Variants in BPTF observed in about 807,000 individuals in gnomAD.
The protein encoded by BPTF is bromodomain PHD finger transcription factor, also known as nucleosome-remodeling factor subunit BPTF.
BPTF carries 18 observed loss-of-function variants against 292.5 expected under a neutral mutation model. That is an observed-to-expected ratio of 0.06 (90% confidence interval 0.04 to 0.09). The LOEUF is 0.09. BPTF is among the 10% of genes least tolerant of loss of function. The pLI, the probability that BPTF is intolerant of heterozygous loss-of-function variation, is 1.00. For missense variants in BPTF, 2,726 were observed against 3,498.7 expected (o/e 0.78, Z 5.57); for synonymous variants, 1,225 against 1,251.9 (o/e 0.98, Z 0.45).
intron 1 of BPTF, among the ~76,000 whole-genome samples, chr17:67,845,321 C>T (rs1374458772): frequency 6.6e-6 from 1 of 152,220 alleles, no homozygotes. Flanking sequence ...GTTGATGGTT[C>T]TTGCTTGAAT....
At chr17:67,878,509 T>C (rs2060184298) in intron 4 of BPTF, among the ~76,000 whole-genome samples, 1 of 152,200 alleles carries the variant, frequency 6.6e-6, no homozygotes. Context: ...TTCAACAGTG[T>C]ATGAGAGTTC....
intron 3 of BPTF, among the ~76,000 whole-genome samples, chr17:67,867,097 A>G (rs1482640614): frequency 6.6e-6 from 1 of 152,256 alleles, no homozygotes; most frequent in East Asian, 1.9e-4. Flanking sequence ...TGTGCAGTGC[A>G]TGACTGTGTG....
At chr17:67,864,594 A>C (rs1047119375) in intron 2 of BPTF, among the ~76,000 whole-genome samples, 34 of 151,794 alleles carry the variant, frequency 2.2e-4, no homozygotes, top group African/African-American at 8.2e-4. Flanking sequence ...AAAACCCCCA[A>C]CTTTTCTTTG....
At chr17:67,961,664 TAGAG>T (rs1366882188) in intron 24 of BPTF, among the ~76,000 whole-genome samples, 14 of 151,886 alleles carry the variant, frequency 9.2e-5, no homozygotes, top group East Asian at 5.8e-4. Flanking sequence ...CTGGGCAACA[TAGAG>T]AGACCCCGTC....
chr17:67,916,271 CAGTGTTCATTTTTCCAACTGA>C (rs756648843), intron 11 of BPTF, among the ~76,000 whole-genome samples: 26 of 152,182 alleles, frequency 1.7e-4, no homozygotes, highest in Non-Finnish European at 1.0e-4. Context: ...TTCTCTTTCA[CAGTGTTCATTTTTCCAACTGA>C]ATGCTGTCAA....
intron 1 of BPTF, among the ~76,000 whole-genome samples, chr17:67,850,849 C>G (rs532494118): frequency 6.6e-6 from 1 of 152,100 alleles, no homozygotes; most frequent in African/African-American, 2.4e-5. Flanking sequence ...ATTAAATGCT[C>G]TGCATTGTTC....
At chr17:67,951,802 T>TC (rs1339384993) in intron 23 of BPTF, 2 of 152,162 alleles carry the variant, frequency 1.3e-5, no homozygotes, top group Non-Finnish European at 2.9e-5. Flanking sequence ...ATGCCTGTAA[T>TC]CCCAGCACCT....
intron 6 of BPTF, 21 bp from the exon 7 acceptor site, chr17:67,894,013 C>G: frequency 6.2e-7 from 1 of 1,607,024 alleles, no homozygotes; most frequent in Non-Finnish European, 8.5e-7. Context: ...AATAATTTCT[C>G]TCATTTCTTC....
intron 13 of BPTF, 55 bp from the exon 14 acceptor site, chr17:67,922,785 G>A (rs1410293210): frequency 3.2e-6 from 5 of 1,543,594 alleles, no homozygotes; most frequent in Non-Finnish European, 4.4e-6. Flanking sequence ...GATGCCAGAA[G>A]TACTTTAATT....
chr17:67,938,924 C>A (rs2065143514), intron 18 of BPTF, among the ~76,000 whole-genome samples: 1 of 152,096 alleles, frequency 6.6e-6, no homozygotes, highest in African/African-American at 2.4e-5. Context: ...TTAATGCCAA[C>A]CTGTGGTAAT....
At chr17:67,930,797 T>C (rs543274462) in intron 17 of BPTF, among the ~76,000 whole-genome samples, 21 of 151,716 alleles carry the variant, frequency 1.4e-4, no homozygotes, top group African/African-American at 5.1e-4. Flanking sequence ...TACAAAAAAT[T>C]AGCTGGGCAT....
chr17:67,893,202 C>T, intron 5 of BPTF, 168 bp from the exon 6 acceptor site: 2 of 612,308 alleles, frequency 3.3e-6, no homozygotes, highest in East Asian at 5.6e-5. Flanking sequence ...TAATTGTAAA[C>T]AATTAGCTTT....
chr17:67,827,150 A>G (rs550998827), intron 1 of BPTF, among the ~76,000 whole-genome samples: 2 of 152,350 alleles, frequency 1.3e-5, no homozygotes, highest in Admixed American at 1.3e-4. Context: ...CTTGCTTGGG[A>G]AATGCAGTTT....
At chr17:67,832,528 T>A (rs1280786805) in intron 1 of BPTF, among the ~76,000 whole-genome samples, 2 of 152,166 alleles carry the variant, frequency 1.3e-5, no homozygotes, top group Non-Finnish European at 2.9e-5. Flanking sequence ...TTATGAAAAT[T>A]CAGTTTTTAA....
intron 1 of BPTF, among the ~76,000 whole-genome samples, chr17:67,826,580 T>TA (rs34143014): frequency 1.5e-5 from 2 of 137,418 alleles, no homozygotes; most frequent in African/African-American, 5.5e-5. Flanking sequence ...TCGCTCTCTC[T>TA]CCCCCCCCCA....
chr17:67,917,484 T>A (rs1465537818), intron 11 of BPTF, among the ~76,000 whole-genome samples: 2 of 152,180 alleles, frequency 1.3e-5, no homozygotes, highest in South Asian at 4.1e-4. Flanking sequence ...ACACTAATGC[T>A]GTTAAAGTTT....
At chr17:67,838,209 T>A (rs928200183) in intron 1 of BPTF, among the ~76,000 whole-genome samples, 10 of 152,358 alleles carry the variant, frequency 6.6e-5, no homozygotes, top group Admixed American at 2.0e-4. Context: ...AATAAAACTT[T>A]ATTTACAAAA....
intron 15 of BPTF, among the ~76,000 whole-genome samples, chr17:67,926,915 T>C (rs937661954): frequency 3.3e-5 from 5 of 152,072 alleles, no homozygotes; most frequent in African/African-American, 4.8e-5. Flanking sequence ...CTCCCTCTTT[T>C]TTTTTTTCTT....
rs778237783 is a variant in BPTF at position 67,911,190 on chromosome 17, C to G, written c.3306C>G (p.Leu1102=). 1 of 1,613,732 alleles carries G rather than the reference C, an allele frequency of 6.2e-7. No individual in the cohort carries two copies. The highest frequency in any genetic ancestry group is 2.2e-5 in the East Asian group (1 of 44,836). ...GKTSTNSSKN[L]SESPVITKAK... is the part of the protein sequence containing the mutation. ...CTTCTACAAATTCTTCAAAAAATCTCTCTGAATCACCAGTAATAACGAAAG... is the reference window on the plus strand; with the variant it reads ...CTTCTACAAATTCTTCAAAAAATCTGTCTGAATCACCAGTAATAACGAAAG... Residue 1102 remains leucine, a synonymous_variant, in exon 11 of 28, where the codon CTC becomes CTG. Transcript: ENST00000306378.
Sources: allele counts gnomAD v4.1 joint callset (sites outside exome capture counted in the v4.1 genomes callset), GRCh38; gene constraint gnomAD v4.1.1; transcripts MANE v1.5; gene names NCBI Gene and HGNC (gene_info 2026-07-23, HGNC 2026-07-21).